The following MACF1 variants were observed in gnomAD, a reference collection of about 807,000 sequenced individuals.
The protein encoded by MACF1 is microtubule actin crosslinking factor 1, also known as microtubule-actin cross-linking factor 1.
A neutral mutation model predicts 854.8 loss-of-function variants in MACF1; 193 were observed. The observed-to-expected ratio is 0.23, with a 90% CI of 0.20 to 0.25. The LOEUF is 0.25. Ranked by LOEUF, MACF1 falls within the 10% of genes least tolerant of loss-of-function variation. The pLI, the probability that MACF1 is intolerant of heterozygous loss-of-function variation, is 1.00. For synonymous variants in MACF1, 3,185 were observed against 3,226.7 expected (o/e 0.99, Z 0.44); for missense variants, 7,722 against 8,929.1 (o/e 0.86, Z 5.45).
At chr1:39,436,797 C>T (rs1643987303) in intron 70 of MACF1, among the ~76,000 whole-genome samples, 2 of 152,142 alleles carry the variant, frequency 1.3e-5, no homozygotes, top group African/African-American at 4.8e-5. Flanking sequence ...TCTTTTCTCT[C>T]CTCTCTGCAT....
At chr1:39,254,255 T>C (rs751578690) in intron 4 of MACF1, 43 bp from the exon 5 acceptor site, 1 of 1,507,364 alleles carries the variant, frequency 6.6e-7, no homozygotes, top group Non-Finnish European at 9.2e-7. Context: ...TATGGTTAAA[T>C]TGTGTAGCCA....
chr1:39,126,460 G>A (rs1642862602), intron 2 of MACF1, among the ~76,000 whole-genome samples: 1 of 152,134 alleles, frequency 6.6e-6, no homozygotes, highest in Non-Finnish European at 1.5e-5. Context: ...CTGGGGTTAG[G>A]ACATCTTTCT....
intron 2 of MACF1, among the ~76,000 whole-genome samples, chr1:39,233,997 G>C (rs921517656): frequency 1.4e-5 from 2 of 141,880 alleles, no homozygotes; most frequent in Admixed American, 1.4e-4. Context: ...GACTCTTAAC[G>C]AGCATGCTGC....
intron 99 of MACF1, among the ~76,000 whole-genome samples, chr1:39,482,818 C>A (rs905616881): frequency 3.1e-3 from 453 of 143,894 alleles, no homozygotes; most frequent in Non-Finnish European, 6.0e-3. Context: ...AAAAAAAACC[C>A]CACACAGATT....
chr1:39,366,763 C>T (rs144206004), intron 49 of MACF1, among the ~76,000 whole-genome samples: 2,797 of 143,898 alleles, frequency 0.019, 43 homozygotes, highest in South Asian at 0.037. Context: ...GGCACAATCT[C>T]GGCTCACTGC....
chr1:39,164,730 G>A (rs1399646513), intron 2 of MACF1, among the ~76,000 whole-genome samples: 4 of 152,188 alleles, frequency 2.6e-5, no homozygotes, highest in Admixed American at 1.3e-4. Context: ...ACCAGATTGA[G>A]ATTCTCTTTG....
chr1:39,287,593 C>T, intron 15 of MACF1, 31 bp downstream of exon 15: 1 of 1,608,850 alleles, frequency 6.2e-7, no homozygotes, highest in South Asian at 1.1e-5. Context: ...TTATGCAGTA[C>T]ACTGATGTTT....
chr1:39,180,930 A>AG (rs1644097088), intron 2 of MACF1, among the ~76,000 whole-genome samples: 1 of 151,892 alleles, frequency 6.6e-6, no homozygotes, highest in Non-Finnish European at 1.5e-5. Context: ...TTTTTGAGAC[A>AG]GGGTCTGGCT....
intron 14 of MACF1, among the ~76,000 whole-genome samples, chr1:39,286,471 C>T (rs3121896): frequency 0.82 from 121,735 of 147,826 alleles, 50,153 homozygotes; most frequent in South Asian, 0.94. Flanking sequence ...TTTTTTTTTT[C>T]CCCTTTTTTT....
At chr1:39,396,243 C>G (rs906376363) in intron 58 of MACF1, among the ~76,000 whole-genome samples, 2 of 151,396 alleles carry the variant, frequency 1.3e-5, no homozygotes, top group African/African-American at 4.9e-5. Flanking sequence ...TCGCTTGAAC[C>G]CAGGAGGTGG....
intron 41 of MACF1, 83 bp from the exon 42 acceptor site, chr1:39,349,395 C>T (rs1488814591): frequency 1.4e-6 from 2 of 1,401,042 alleles, no homozygotes; most frequent in Non-Finnish European, 2.0e-6. Flanking sequence ...ATATAACCTT[C>T]CTGTTTTACA....
At chr1:39,230,508 G>T (rs1644765199) in intron 1 of MACF1, among the ~76,000 whole-genome samples, 1 of 151,948 alleles carries the variant, frequency 6.6e-6, no homozygotes. Context: ...GTCGGAGAAA[G>T]TAAGTCCTTT....
In MACF1 at chr1:39,387,701, G is replaced by A; in HGVS notation, c.14859G>A (p.Glu4953=). 1 of 1,614,154 alleles carries A rather than the reference G, an allele frequency of 6.2e-7. No homozygotes were observed. The highest frequency in any genetic ancestry group is 8.5e-7 in the Non-Finnish European group (1 of 1,180,032). Reference sequence around the variant, plus strand: ...CAAAGGCTATGCTGAATGAGGTGGAGAAGCGCCGCTCCCTGCTGGAAATAT... The same window carrying A: ...CAAAGGCTATGCTGAATGAGGTGGAAAAGCGCCGCTCCCTGCTGGAAATAT... The part of the protein sequence containing the change: ...LRSKAMLNEV[E]KRRSLLEILN... Residue 4953 remains glutamate (E), a synonymous_variant, in exon 58 of 101, where the codon GAG becomes GAA. Transcript: ENST00000564288.
chr1:39,427,463 A>G lies in MACF1; in HGVS notation c.16325A>G (p.Gln5442Arg). The change falls in exon 62 of 101, where the codon CAG becomes CGG. Residue 5442 changes from glutamine to arginine, a missense_variant. Gln to Arg is a conservative substitution (Grantham distance 43, BLOSUM62 1). Around this residue, in one of 15 missense-constraint regions of MACF1, gnomAD observed 2,807 missense variants for 3,235.8 expected, o/e 0.87. Coordinates refer to ENST00000564288, the MANE Select transcript of MACF1 (RefSeq NM_001394062.1). ...TCTATATATTTGTGTAGGCAAAAACAGCTGGAAGACATCCTGGTTCTGGCC... is the reference window on the plus strand; with the variant it reads ...TCTATATATTTGTGTAGGCAAAAACGGCTGGAAGACATCCTGGTTCTGGCC... ...LLSKAAARQKQLEDILVLAKQ... is the reference protein window; with the variant it reads ...LLSKAAARQKRLEDILVLAKQ... 3.1e-6 allele frequency: 5 copies of G among 1,613,632 alleles called. No homozygotes were observed. Among genetic ancestry groups the G allele is most frequent in the Non-Finnish European group, 4.2e-6 (5 of 1,179,874 alleles).
chr1:39,412,388 A>T (rs374471195), intron 58 of MACF1: 1 of 1,614,060 alleles, frequency 6.2e-7, no homozygotes, highest in Non-Finnish European at 8.5e-7. Flanking sequence ...GTCACTTGTG[A>T]ATTGTCTGTG....
intron 80 of MACF1, among the ~76,000 whole-genome samples, chr1:39,445,379 T>C (rs1775657): frequency 6.6e-6 from 1 of 151,918 alleles, no homozygotes; most frequent in South Asian, 2.1e-4. Context: ...GAGTACAGAG[T>C]TTCACTGTAT....
chr1:39,378,397 A>C (rs1649895539), intron 52 of MACF1, 64 bp from the exon 53 acceptor site: 3 of 1,169,556 alleles, frequency 2.6e-6, no homozygotes, highest in Non-Finnish European at 3.9e-6. Flanking sequence ...GGACAAATTC[A>C]GTGCCTATAT....
chr1:39,238,906 C>T (rs538888184), intron 2 of MACF1, among the ~76,000 whole-genome samples: 3 of 151,682 alleles, frequency 2.0e-5, no homozygotes, highest in African/African-American at 4.8e-5. Flanking sequence ...TTTTTTTTTG[C>T]GACTCAAGCA....
At chr1:39,419,477 T>G (rs746843958) in intron 58 of MACF1, among the ~76,000 whole-genome samples, 2 of 151,948 alleles carry the variant, frequency 1.3e-5, no homozygotes, top group Non-Finnish European at 2.9e-5. Context: ...GATTTTCAGA[T>G]TTGGGATGCT....
Sources: allele counts gnomAD v4.1 joint callset (sites outside exome capture counted in the v4.1 genomes callset), GRCh38; gene constraint gnomAD v4.1.1; regional missense constraint gnomAD v4.1.1; transcripts MANE v1.5; gene names NCBI Gene and HGNC (gene_info 2026-07-23, HGNC 2026-07-21).